The following FRMD6 variants were observed in gnomAD, a reference collection of about 807,000 sequenced individuals.
FRMD6 encodes the protein FERM domain containing 6, also known as FERM domain-containing protein 6.
Under a neutral mutation model 73.2 loss-of-function variants are expected in FRMD6, and 37 were observed. The ratio of observed to expected loss-of-function variants is 0.51; its 90% CI spans 0.39 to 0.66. The LOEUF (loss-of-function observed/expected upper bound fraction) is 0.66. FRMD6 is among the 30% of genes least tolerant of loss of function. FRMD6 has a pLI of 0.00. For synonymous variants in FRMD6, 273 were observed against 282.2 expected, an observed-to-expected ratio of 0.97 and a Z score of 0.33; for missense variants, 714 against 780.5, an observed-to-expected ratio of 0.91 and a Z score of 1.02.
chr14:51,616,035 A>G (rs771541088), intron 2 of FRMD6, among the ~76,000 whole-genome samples: 3 of 152,202 alleles, frequency 2.0e-5, no homozygotes, highest in Non-Finnish European at 4.4e-5. Context: ...AGATATGGGT[A>G]TAAAGGCCAT....
At chr14:51,645,380 G>C (rs1892018141) in intron 2 of FRMD6, among the ~76,000 whole-genome samples, 1 of 152,160 alleles carries the variant, frequency 6.6e-6, no homozygotes, top group East Asian at 1.9e-4. Context: ...GCTGCACCAA[G>C]TCCTTTAGCC....
chr14:51,507,963 T>C (rs1884068664), intron 1 of FRMD6, among the ~76,000 whole-genome samples: 1 of 152,180 alleles, frequency 6.6e-6, no homozygotes, highest in Admixed American at 6.5e-5. Context: ...TCCGGGCAGC[T>C]TGAAATGGCA....
intron 2 of FRMD6, among the ~76,000 whole-genome samples, chr14:51,635,592 T>A (rs1325285061): frequency 6.6e-6 from 1 of 152,170 alleles, no homozygotes; most frequent in Non-Finnish European, 1.5e-5. Flanking sequence ...TTAAGTAAAT[T>A]TTACCATAAG....
At chr14:51,672,014 T>C (rs1227070207) in intron 1 of FRMD6, among the ~76,000 whole-genome samples, 4 of 152,174 alleles carry the variant, frequency 2.6e-5, no homozygotes, top group East Asian at 1.9e-4. Context: ...AGAACATTCA[T>C]TGGAAATTTT....
chr14:51,552,576 C>G (rs531353342), intron 1 of FRMD6, among the ~76,000 whole-genome samples: 1 of 152,312 alleles, frequency 6.6e-6, no homozygotes, highest in East Asian at 1.9e-4. Context: ...GTGCTAGTTT[C>G]CAAAAGGCAG....
chr14:51,722,122 A>G (rs781778520), intron 12 of FRMD6, 42 bp downstream of exon 12: 1 of 1,609,048 alleles, frequency 6.2e-7, no homozygotes, highest in Non-Finnish European at 8.5e-7. Flanking sequence ...GTAGCAGGTT[A>G]TCCAGGACTG....
chr14:51,669,552 G>A (rs1893846504), intron 1 of FRMD6, among the ~76,000 whole-genome samples: 1 of 152,098 alleles, frequency 6.6e-6, no homozygotes, highest in Admixed American at 6.6e-5. Context: ...TAACCATTCT[G>A]GCAGGTGTGT....
intron 2 of FRMD6, among the ~76,000 whole-genome samples, chr14:51,622,097 C>T (rs1017024797): frequency 1.3e-4 from 20 of 152,218 alleles, no homozygotes; most frequent in Non-Finnish European, 1.5e-5. Flanking sequence ...GGAGTCTAAG[C>T]TTCAGGTCCC....
the FRMD6 span, among the ~76,000 whole-genome samples, chr14:51,443,943 G>GTTTTTT: frequency 1.4e-5 from 2 of 140,732 alleles, no homozygotes; most frequent in Admixed American, 1.4e-4. Flanking sequence ...CAAGTTGTGA[G>GTTTTTT]TTTTTTTTTT....
At chr14:51,639,202 G>T (rs970650510) in intron 2 of FRMD6, among the ~76,000 whole-genome samples, 1 of 152,100 alleles carries the variant, frequency 6.6e-6, no homozygotes, top group Non-Finnish European at 1.5e-5. Context: ...TTGGGAGACT[G>T]AGGCGGGCGG....
chr14:51,514,911 A>G, intron 1 of FRMD6, among the ~76,000 whole-genome samples: 1 of 152,222 alleles, frequency 6.6e-6, no homozygotes, highest in East Asian at 1.9e-4. Flanking sequence ...GCGATGCAAA[A>G]TAGATTGAGA....
intron 1 of FRMD6, among the ~76,000 whole-genome samples, chr14:51,564,061 G>C (rs1488664527): frequency 6.6e-6 from 1 of 152,098 alleles, no homozygotes; most frequent in Non-Finnish European, 1.5e-5. Context: ...ATTTATTACA[G>C]CTCTGGTCAC....
chr14:51,721,541 C>T (rs937065557), intron 11 of FRMD6, among the ~76,000 whole-genome samples: 3 of 148,898 alleles, frequency 2.0e-5, no homozygotes, highest in Non-Finnish European at 3.0e-5. Context: ...ACCCAGGAGG[C>T]GGAGGTTGCA....
the FRMD6 span, among the ~76,000 whole-genome samples, chr14:51,430,934 A>G: frequency 2.6e-5 from 4 of 152,318 alleles, no homozygotes; most frequent in South Asian, 8.3e-4. Context: ...AGAAGAACTG[A>G]AAGGGATATT....
At chr14:51,588,687 C>T (rs1889196917) in intron 2 of FRMD6, among the ~76,000 whole-genome samples, 1 of 152,180 alleles carries the variant, frequency 6.6e-6, no homozygotes, top group Non-Finnish European at 1.5e-5. Flanking sequence ...ACCTCACACT[C>T]TGATATGCCA....
the FRMD6 span, among the ~76,000 whole-genome samples, chr14:51,449,597 A>G: frequency 2.0e-5 from 3 of 152,216 alleles, no homozygotes; most frequent in African/African-American, 7.2e-5. Context: ...GTTGGGTGGT[A>G]TCTGTAGTGA....
chr14:51,488,196 G>C (rs929067958), upstream of FRMD6, among the ~76,000 whole-genome samples: 1 of 152,158 alleles, frequency 6.6e-6, no homozygotes, highest in African/African-American at 2.4e-5. Context: ...GCAGGAGCCC[G>C]TCTCTGAAAT....
At chr14:51,718,676 G>A (rs1371814425) in intron 10 of FRMD6, among the ~76,000 whole-genome samples, 1 of 152,222 alleles carries the variant, frequency 6.6e-6, no homozygotes, top group Non-Finnish European at 1.5e-5. Context: ...GTGATGATAT[G>A]TGCGTGGAGC....
In FRMD6 at chr14:51,599,058, C is replaced by CTTTTTTTTTTTTTTTTTTTTTTTT. The variant is rs59151771; in HGVS notation, c.-147+28652_-147+28675dup. Among the ~76,000 whole-genome samples the CTTTTTTTTTTTTTTTTTTTTTTTT allele has an allele frequency of 1.4e-4, 10 of 72,824 alleles. 1 individual carries two copies. Among genetic ancestry groups the CTTTTTTTTTTTTTTTTTTTTTTTT allele is most frequent in the Non-Finnish European group, 2.0e-4 (8 of 39,966 alleles). 47.8% of individuals were successfully genotyped at this position (72,824 alleles called of 152,430 possible). On this transcript the variant is annotated intron_variant, in intron 2 of 14. Coordinates refer to the FRMD6 transcript ENST00000356218. ...TCTCAGCAGCCTTGCCAGTATCTGT[C>CTTTTTTTTTTTTTTTTTTTTTTTT]TTTTTTTTTTTTTTTTTTTTTTTTT...
Sources: allele counts gnomAD v4.1 joint callset (sites outside exome capture counted in the v4.1 genomes callset), GRCh38; gene constraint gnomAD v4.1.1; transcripts MANE v1.5; gene names NCBI Gene and HGNC (gene_info 2026-07-23, HGNC 2026-07-21).